The following PRKCB variants were observed in gnomAD, a reference collection of about 807,000 sequenced individuals.
The protein encoded by PRKCB is protein kinase C beta type.
PRKCB carries 13 observed loss-of-function variants against 81.5 expected under a neutral mutation model. The ratio of observed to expected loss-of-function variants is 0.16; its 90% CI spans 0.10 to 0.25. The LOEUF (loss-of-function observed/expected upper bound fraction) is 0.25, where lower values mean the gene tolerates loss of function less well. Among genes scored for constraint, PRKCB ranks in the 10% least tolerant of loss-of-function variants. The pLI is 1.00. For missense variants in PRKCB, 509 were observed against 875.7 expected (o/e 0.58, Z 5.29); for synonymous variants, 335 against 321.4 (o/e 1.04, Z -0.45).
chr16:24,126,195 A>G (rs1966843978), intron 9 of PRKCB, among the ~76,000 whole-genome samples: 2 of 152,080 alleles, frequency 1.3e-5, no homozygotes, highest in Non-Finnish European at 2.9e-5. Context: ...AAAGAGGGTC[A>G]TCACCTGGGT....
At chr16:24,190,535 T>G (rs570070757) in intron 15 of PRKCB, among the ~76,000 whole-genome samples, 24 of 150,884 alleles carry the variant, frequency 1.6e-4, no homozygotes, top group Non-Finnish European at 3.4e-4. Flanking sequence ...TTTTTTTTTT[T>G]TGAGATGGAG....
intron 9 of PRKCB, among the ~76,000 whole-genome samples, chr16:24,142,857 G>A (rs1328615125): frequency 6.6e-6 from 1 of 152,154 alleles, no homozygotes; most frequent in East Asian, 1.9e-4. Flanking sequence ...GATAGAGGGA[G>A]GGTACACTCC....
Position 23,912,021 on chromosome 16 carries a change from G to A in PRKCB, c.205+74615G>A, listed in dbSNP as rs556544833. 3.3e-5 allele frequency among the ~76,000 whole-genome samples: 5 copies of A among 151,424 alleles called. No homozygotes were observed. The East Asian group carries it at 7.8e-4, about 24-fold the overall frequency. Reference sequence around the variant, plus strand: ...TAAGTTTTGTATTTTTAGTAGAGACGGAGTTTTGCCATGTTAGCCACGCTA... The same window carrying A: ...TAAGTTTTGTATTTTTAGTAGAGACAGAGTTTTGCCATGTTAGCCACGCTA... On this transcript the variant is annotated intron_variant, in intron 2 of 16. Transcript: ENST00000643927.
chr16:24,127,631 G>C (rs1966846820), intron 9 of PRKCB, among the ~76,000 whole-genome samples: 1 of 151,716 alleles, frequency 6.6e-6, no homozygotes, highest in South Asian at 2.1e-4. Flanking sequence ...GATTGGGGTT[G>C]GGGGGTAGTG....
chr16:23,902,373 CT>C (rs1454282482), intron 2 of PRKCB, among the ~76,000 whole-genome samples: 12 of 152,124 alleles, frequency 7.9e-5, no homozygotes, highest in Admixed American at 6.5e-4. Context: ...AAGTTTCCCC[CT>C]AATGCTAACA....
intron 13 of PRKCB, among the ~76,000 whole-genome samples, chr16:24,184,444 G>A (rs994506103): frequency 6.8e-6 from 1 of 147,010 alleles, no homozygotes; most frequent in African/African-American, 2.5e-5. Context: ...GACAAAAAGA[G>A]ACACTATCTC....
chr16:24,182,873 T>TTTGTGTGTGTGTGTG (rs1555501177), intron 13 of PRKCB, among the ~76,000 whole-genome samples: 1 of 133,520 alleles, frequency 7.5e-6, no homozygotes, highest in African/African-American at 3.1e-5. Context: ...ACATTGTTTC[T>TTTGTGTGTGTGTGTG]TGTGTGTGTG....
At chr16:24,005,334 C>T (rs1468883720) in intron 3 of PRKCB, among the ~76,000 whole-genome samples, 3 of 152,072 alleles carry the variant, frequency 2.0e-5, no homozygotes, top group South Asian at 2.1e-4. Context: ...AATAAATTTT[C>T]GTGAATACTT....
intron 9 of PRKCB, among the ~76,000 whole-genome samples, chr16:24,141,491 C>T (rs1023743419): frequency 7.9e-5 from 12 of 152,298 alleles, no homozygotes; most frequent in African/African-American, 2.6e-4. Flanking sequence ...CCACTGTGCC[C>T]GGCCAAGACC....
At position 24,216,771 on chromosome 16, in the gene PRKCB, G is replaced by C; in HGVS notation, c.*1955G>C. 3.0e-6 allele frequency: 3 copies of C among 985,472 alleles called. No homozygotes were observed. Among genetic ancestry groups the C allele is most frequent in the Non-Finnish European group, 3.6e-6 (3 of 829,950 alleles). 61.0% of individuals were successfully genotyped at this position (985,472 alleles called of 1,614,324 possible). Reference sequence around the variant, plus strand: ...CAAGTTTAGGCAGTAAGAGAAGGAGGGAAATCGGAGCAAAGCTCCCTCACT... The same window carrying C: ...CAAGTTTAGGCAGTAAGAGAAGGAGCGAAATCGGAGCAAAGCTCCCTCACT... On this transcript the variant is annotated 3_prime_UTR_variant, in exon 17 of 17. Coordinates refer to ENST00000643927, the MANE Select transcript of PRKCB (RefSeq NM_002738.7).
rs56289209 is a variant in PRKCB at position 24,193,444 on chromosome 16, CAAATAAATAAATAAATAAATAAAT to C, written c.1863+2247_1863+2270del. 1.8e-4 allele frequency among the ~76,000 whole-genome samples: 22 copies of C among 122,238 alleles called. 1 individual carries two copies. Among genetic ancestry groups the C allele is most frequent in the Non-Finnish European group, 2.7e-4 (16 of 58,860 alleles). The allele number at this position is 122,238 out of a possible 152,430, so 80.2% of individuals were successfully genotyped here. A position where few individuals can be genotyped will look rare whatever the true frequency, so the allele number is the denominator to read the frequency against. Reference sequence around the variant, plus strand: ...TGGGCGACAGAGTGAGACTCCATCTCAAATAAATAAATAAATAAATAAATAAATAAATAAATAAATAAATAAATA... The same window carrying C: ...TGGGCGACAGAGTGAGACTCCATCTCAAATAAATAAATAAATAAATAAATA... On this transcript the variant is annotated intron_variant, in intron 16 of 16. Transcript: ENST00000643927.
chr16:24,044,173 G>A (rs983015909), intron 5 of PRKCB, among the ~76,000 whole-genome samples: 1 of 152,126 alleles, frequency 6.6e-6, no homozygotes, highest in African/African-American at 2.4e-5. Context: ...TGGCCAACAT[G>A]GTGAAACCCC....
intron 2 of PRKCB, among the ~76,000 whole-genome samples, chr16:23,886,092 T>G (rs1447003356): frequency 6.6e-6 from 1 of 152,210 alleles, no homozygotes; most frequent in East Asian, 1.9e-4. Context: ...ACTGAGGTCC[T>G]AAGAGGTCAG....
At chr16:23,927,081 A>G (rs886664414) in intron 2 of PRKCB, among the ~76,000 whole-genome samples, 3 of 152,176 alleles carry the variant, frequency 2.0e-5, no homozygotes, top group African/African-American at 7.2e-5. Flanking sequence ...ATGGCTAACC[A>G]GGCAGGTGCC....
intron 13 of PRKCB, among the ~76,000 whole-genome samples, chr16:24,182,861 C>T (rs538356009): frequency 1.9e-5 from 1 of 52,442 alleles, no homozygotes; most frequent in Admixed American, 1.5e-4. Context: ...CTTGGGCATC[C>T]CACATTGTTT....
intron 2 of PRKCB, among the ~76,000 whole-genome samples, chr16:23,969,308 T>C (rs1265874182): frequency 6.6e-6 from 1 of 152,212 alleles, no homozygotes; most frequent in South Asian, 2.1e-4. Context: ...AGGTGGACAC[T>C]GTGGTAGTCC....
At chr16:23,984,067 CAT>C (rs1964771601) in intron 2 of PRKCB, among the ~76,000 whole-genome samples, 1 of 151,206 alleles carries the variant, frequency 6.6e-6, no homozygotes, top group Non-Finnish European at 1.5e-5. Context: ...AAATATAAAA[CAT>C]AGGATGCAGC....
chr16:24,030,726 A>AG (rs975254254), intron 3 of PRKCB, among the ~76,000 whole-genome samples: 1 of 150,782 alleles, frequency 6.6e-6, no homozygotes, highest in African/African-American at 2.4e-5. Context: ...CAAAAAAAAA[A>AG]AAAAAATTAA....
chr16:23,907,721 G>A (rs1963582229), intron 2 of PRKCB, among the ~76,000 whole-genome samples: 1 of 152,158 alleles, frequency 6.6e-6, no homozygotes, highest in Non-Finnish European at 1.5e-5. Flanking sequence ...TGAGTGTGGG[G>A]TCTGTGGGGA....
Sources: gnomAD v4.1 joint callset for allele counts (sites outside exome capture counted in the v4.1 genomes callset) on GRCh38, gnomAD v4.1.1 for gene constraint, MANE v1.5 for transcripts, NCBI Gene and HGNC (gene_info 2026-07-23, HGNC 2026-07-21) for gene names.